Variants in C5 observed in about 807,000 individuals in gnomAD.
The protein encoded by C5 is C3 and PZP-like alpha-2-macroglobulin domain-containing protein 4.
A neutral mutation model predicts 218.8 loss-of-function variants in C5; 140 were observed. The ratio of observed to expected loss-of-function variants is 0.64; its 90% confidence interval spans 0.56 to 0.74. The LOEUF (loss-of-function observed/expected upper bound fraction) is 0.74. Ranked by LOEUF, C5 falls within the 30% of genes least tolerant of loss-of-function variation. The pLI is 0.00. For synonymous variants in C5, 614 were observed against 682.3 expected (o/e 0.90, Z 1.56); for missense variants, 1,700 against 1,969.6 (o/e 0.86, Z 2.59).
At position 121,018,736 on chromosome 9, in the gene C5, G is replaced by A. The variant is rs370331971; in HGVS notation, c.1507-884C>T. ...AAGAAAGAAAGAAAGAAGGAAGGAA[G>A]GAAGGAAAGGAAGGAAGGAAGGAAG... On this transcript the variant is annotated intron_variant, in intron 12 of 40. Transcript: ENST00000223642. 3.5e-3 allele frequency among the ~76,000 whole-genome samples: 150 copies of A among 42,630 alleles called. 5 individuals are homozygous for A. The highest frequency in any genetic ancestry group is 0.011 in the Admixed American group (36 of 3,228). The allele number at this position is 42,630 out of a possible 152,430, so 28.0% of individuals were successfully genotyped here.
intron 25 of C5, among the ~76,000 whole-genome samples, chr9:120,984,008 G>A (rs2047014851): frequency 6.6e-6 from 1 of 151,998 alleles, no homozygotes; most frequent in Non-Finnish European, 1.5e-5. Flanking sequence ...TCCTGTACTT[G>A]GCTTTTTTTC....
chr9:120,974,034 T>G (rs2046933857), intron 30 of C5, among the ~76,000 whole-genome samples: 1 of 152,218 alleles, frequency 6.6e-6, no homozygotes, highest in Admixed American at 6.5e-5. Flanking sequence ...TTGTGAAGGA[T>G]GTCAACAATG....
the C5 span, among the ~76,000 whole-genome samples, chr9:121,058,276 T>C: frequency 4.6e-5 from 7 of 152,260 alleles, no homozygotes; most frequent in African/African-American, 1.7e-4. Context: ...AAACTAAGGC[T>C]CAGAAAAATG....
the C5 span, among the ~76,000 whole-genome samples, chr9:121,056,264 G>A: frequency 6.6e-6 from 1 of 152,186 alleles, no homozygotes; most frequent in Admixed American, 6.5e-5. Flanking sequence ...ACTGAATAAG[G>A]CACCATTGAC....
intron 29 of C5, among the ~76,000 whole-genome samples, chr9:120,975,482 G>A (rs1182760720): frequency 6.6e-6 from 1 of 152,186 alleles, no homozygotes. Context: ...AAGTTCATGT[G>A]TTGGAAAGCT....
intron 21 of C5, 105 bp from the exon 22 acceptor site, chr9:120,996,405 T>C (rs1276197964): frequency 2.9e-6 from 3 of 1,037,864 alleles, no homozygotes; most frequent in East Asian, 4.8e-5. Flanking sequence ...AAATTATTTT[T>C]CTTGGAAAAG....
chr9:121,022,847 C>CA (rs1385818255), intron 10 of C5, among the ~76,000 whole-genome samples: 1 of 150,316 alleles, frequency 6.7e-6, no homozygotes, highest in Non-Finnish European at 1.5e-5. Context: ...GAGGAGTAAG[C>CA]AAAAAAGACA....
chr9:121,048,553 CCT>C (rs1288731019), intron 1 of C5, among the ~76,000 whole-genome samples: 1 of 152,228 alleles, frequency 6.6e-6, no homozygotes, highest in Non-Finnish European at 1.5e-5. Context: ...TTCCACAAAA[CCT>C]GTCCCTAGTG....
At chr9:120,997,387 A>G (rs1238110060) in intron 21 of C5, among the ~76,000 whole-genome samples, 160 bp downstream of exon 21, 1 of 152,200 alleles carries the variant, frequency 6.6e-6, no homozygotes, top group Non-Finnish European at 1.5e-5. Flanking sequence ...TTACAGAAAA[A>G]TTGCAAGAAT....
chr9:120,971,033 G>T (rs529248936), intron 31 of C5, among the ~76,000 whole-genome samples: 1 of 151,918 alleles, frequency 6.6e-6, no homozygotes, highest in Non-Finnish European at 1.5e-5. Context: ...TTAGCCAGGC[G>T]TAGTGGCATG....
In C5 at chr9:120,971,501, C is replaced by T. The variant is rs41312867; in HGVS notation, c.4080+429G>A. 6.7e-3 allele frequency among the ~76,000 whole-genome samples: 1,026 copies of T among 152,156 alleles called. 12 individuals carry two copies. Among genetic ancestry groups the T allele is most frequent in the African/African-American group, 0.023 (970 of 41,508 alleles). ...GTTGCCAGGCTGCAGTGCAGTTGTG[C>T]CATCTCGGCTCACTGCAACCTCTGC... On this transcript the variant is annotated intron_variant, in intron 31 of 40. Coordinates refer to ENST00000223642, the MANE Select transcript of C5 (RefSeq NM_001735.3).
upstream of C5, among the ~76,000 whole-genome samples, chr9:121,054,496 A>C (rs544659391): frequency 1.1e-4 from 17 of 152,332 alleles, no homozygotes; most frequent in Admixed American, 7.2e-4. Flanking sequence ...GCTACTCAGG[A>C]GGCTGAGGCA....
chr9:120,963,184 CAA>C (rs2046840449), intron 34 of C5, among the ~76,000 whole-genome samples: 1 of 152,118 alleles, frequency 6.6e-6, no homozygotes, highest in Admixed American at 6.5e-5. Flanking sequence ...TTTGATAAAT[CAA>C]AACTTAGGTT....
chr9:120,957,083 G>A, intron 39 of C5: 1 of 484,456 alleles, frequency 2.1e-6, no homozygotes, highest in East Asian at 3.8e-5. Flanking sequence ...TTTTGCTGAA[G>A]TTTTAGAAAA....
intron 18 of C5, among the ~76,000 whole-genome samples, chr9:121,008,128 T>C (rs2047231110): frequency 6.6e-6 from 1 of 152,192 alleles, no homozygotes; most frequent in Non-Finnish European, 1.5e-5. Flanking sequence ...ATATAGTGTA[T>C]CGCACATAGT....
chr9:121,073,992 G>C, the C5 span, among the ~76,000 whole-genome samples: 1 of 152,268 alleles, frequency 6.6e-6, no homozygotes, highest in African/African-American at 2.4e-5. Flanking sequence ...GAATGATCGC[G>C]AGAAAATGGT....
At chr9:121,028,338 T>C (rs1156336354) in intron 7 of C5, among the ~76,000 whole-genome samples, 1 of 152,238 alleles carries the variant, frequency 6.6e-6, no homozygotes, top group African/African-American at 2.4e-5. Context: ...GTGATTCCAT[T>C]ACTGCGTATA....
chr9:121,017,306 C>A, intron 14 of C5, 56 bp downstream of exon 14: 1 of 1,603,258 alleles, frequency 6.2e-7, no homozygotes. Flanking sequence ...TCCTCCATAT[C>A]CTAGCCTGGT....
chr9:120,991,148 C>T (rs2047073983), intron 23 of C5, 43 bp downstream of exon 23: 1 of 1,125,902 alleles, frequency 8.9e-7, no homozygotes, highest in East Asian at 2.3e-5. Flanking sequence ...TTGTTTGAAG[C>T]ACCAAGTGAA....
Sources: allele counts gnomAD v4.1 joint callset (sites outside exome capture counted in the v4.1 genomes callset), GRCh38; gene constraint gnomAD v4.1.1; transcripts MANE v1.5; gene names NCBI Gene and HGNC (gene_info 2026-07-23, HGNC 2026-07-21).